Variants in PCDHA3 observed in about 807,000 individuals in gnomAD.
PCDHA3 encodes protocadherin alpha 3, also known as protocadherin alpha-3.
PCDHA3 carries 41 observed loss-of-function variants against 62.2 expected under a neutral mutation model. The observed-to-expected ratio is 0.66, with a 90% CI of 0.51 to 0.86. The LOEUF is 0.86. Ranked by LOEUF, PCDHA3 falls within the 40% of genes least tolerant of loss-of-function variation. The pLI is 0.00. For missense variants in PCDHA3, 1,304 were observed against 1,241.2 expected, an observed-to-expected ratio of 1.05 and a Z score of -0.76; for synonymous variants, 640 against 555.4, an observed-to-expected ratio of 1.15 and a Z score of -2.14.
intron 1 of PCDHA3, among the ~76,000 whole-genome samples, chr5:140,911,469 A>T (rs1365800005): frequency 3.3e-5 from 5 of 151,880 alleles, no homozygotes; most frequent in African/African-American, 9.7e-5. Context: ...AGGAGATAAG[A>T]CTCTCACTCA....
In PCDHA3 at chr5:140,802,719, G is replaced by T; in HGVS notation, c.1522G>T (p.Val508Leu). 1.2e-6 allele frequency: 2 copies of T among 1,612,610 alleles called. No individual in the cohort carries two copies. The highest frequency in any genetic ancestry group is 8.5e-7 in the Non-Finnish European group (1 of 1,179,802). Reference protein sequence around the residue: ...RVGERALSSYVSVHAESGKVY... With the variant: ...RVGERALSSYLSVHAESGKVY... ...GGGGGAGCGCGCGCTGTCGAGCTACGTGTCGGTACACGCGGAGAGCGGCAA... is the reference window on the plus strand; with the variant it reads ...GGGGGAGCGCGCGCTGTCGAGCTACTTGTCGGTACACGCGGAGAGCGGCAA... Residue 508 changes from valine to leucine, a missense_variant, in exon 1 of 4, where the codon GTG becomes TTG. Coordinates refer to ENST00000522353, the MANE Select transcript of PCDHA3 (RefSeq NM_018906.3).
chr5:140,886,689 G>C (rs1267444522), intron 1 of PCDHA3, among the ~76,000 whole-genome samples: 5 of 152,022 alleles, frequency 3.3e-5, no homozygotes, highest in African/African-American at 1.2e-4. Flanking sequence ...AGCGAGGCAT[G>C]GTGGCACGCG....
At chr5:140,814,813 A>G (rs1765596330) in intron 1 of PCDHA3, 1 of 152,138 alleles carries the variant, frequency 6.6e-6, no homozygotes, top group Non-Finnish European at 1.5e-5. Context: ...ACTTTATTGT[A>G]TTGCTATCTA....
chr5:140,834,637 T>C lies in PCDHA3; in HGVS notation c.2394+31046T>C, dbSNP rs2150223178. 78 of 1,614,168 alleles carry C rather than the reference T, an allele frequency of 4.8e-5. No individual in the cohort carries two copies. The highest frequency in any genetic ancestry group is 1.7e-4 in the Middle Eastern group (1 of 6,058). ...GTAAATCTGCAGAATGGCATTTTGTTTGTGAATTCTCGGATCGACCGCGAG... is the reference window on the plus strand; with the variant it reads ...GTAAATCTGCAGAATGGCATTTTGTCTGTGAATTCTCGGATCGACCGCGAG... On this transcript the variant is annotated intron_variant, in intron 1 of 3. Transcript: ENST00000522353.
At chr5:140,807,000 T>G in intron 1 of PCDHA3, 2 of 726,976 alleles carry the variant, frequency 2.8e-6, no homozygotes, top group Non-Finnish European at 4.5e-6. Context: ...GATGTCGCTC[T>G]TTACCACAAA....
intron 3 of PCDHA3, among the ~76,000 whole-genome samples, chr5:141,006,790 T>A (rs1318848521): frequency 6.6e-6 from 1 of 152,130 alleles, no homozygotes; most frequent in African/African-American, 2.4e-5. Context: ...AATAATTAGC[T>A]TTGAACTTTC....
chr5:141,000,395 C>CTCTCTA (rs1213762225), intron 3 of PCDHA3, among the ~76,000 whole-genome samples: 5 of 53,980 alleles, frequency 9.3e-5, no homozygotes, highest in East Asian at 6.1e-4. Flanking sequence ...CTCTCTCTCT[C>CTCTCTA]TATATATATA....
intron 1 of PCDHA3, chr5:140,848,372 A>G: frequency 1.7e-6 from 2 of 1,150,006 alleles, no homozygotes; most frequent in South Asian, 3.0e-5. Context: ...AAGAGGCTCA[A>G]TTCTTTTTCA....
chr5:140,978,820 T>C (rs2096824926), intron 1 of PCDHA3, 129 bp from the exon 2 acceptor site: 1 of 1,517,496 alleles, frequency 6.6e-7, no homozygotes, highest in East Asian at 2.4e-5. Context: ...GAGTTACACA[T>C]GAAATGGCTC....
At chr5:140,848,385 C>G (rs2150409736) in intron 1 of PCDHA3, 28 of 1,211,136 alleles carry the variant, frequency 2.3e-5, no homozygotes, top group Non-Finnish European at 2.9e-5. Flanking sequence ...CTTTTTCACT[C>G]TCTCTGTGCT....
At chr5:140,968,378 G>A (rs782689152) in intron 1 of PCDHA3, 15 of 1,614,040 alleles carry the variant, frequency 9.3e-6, no homozygotes, top group Non-Finnish European at 1.3e-5. Context: ...CAACTCCTTT[G>A]ACTATGAGAA....
chr5:140,884,409 C>T, intron 1 of PCDHA3: 4 of 1,613,992 alleles, frequency 2.5e-6, no homozygotes, highest in Non-Finnish European at 3.4e-6. Context: ...TTGGTGCTCA[C>T]GTTGCTGCTG....
At chr5:140,903,183 T>A (rs1392196705) in intron 1 of PCDHA3, among the ~76,000 whole-genome samples, 3 of 152,194 alleles carry the variant, frequency 2.0e-5, no homozygotes, top group Admixed American at 2.0e-4. Flanking sequence ...CCACCAATAG[T>A]ATAAAAGAGT....
chr5:140,935,736 A>G (rs2090532745), intron 1 of PCDHA3, among the ~76,000 whole-genome samples: 1 of 152,190 alleles, frequency 6.6e-6, no homozygotes, highest in Admixed American at 6.5e-5. Flanking sequence ...TCTAGTATCT[A>G]TTATTCCATA....
At chr5:140,843,038 A>T in intron 1 of PCDHA3, 1 of 1,595,166 alleles carries the variant, frequency 6.3e-7, no homozygotes, top group Non-Finnish European at 8.6e-7. Flanking sequence ...GGTGGGTGGC[A>T]CTGGTGGCGC....
chr5:140,927,587 T>A, intron 1 of PCDHA3: 18 of 1,614,162 alleles, frequency 1.1e-5, no homozygotes, highest in Non-Finnish European at 1.5e-5. Context: ...AACGCGCCTG[T>A]ATTTGAGCGC....
chr5:140,919,480 T>C (rs1745975489), intron 1 of PCDHA3, among the ~76,000 whole-genome samples: 1 of 152,198 alleles, frequency 6.6e-6, no homozygotes, highest in Admixed American at 6.5e-5. Context: ...TATTTGGATT[T>C]ATGTTTGTTA....
At chr5:141,007,395 C>CAAAAA (rs35800918) in intron 3 of PCDHA3, among the ~76,000 whole-genome samples, 20 of 94,830 alleles carry the variant, frequency 2.1e-4, no homozygotes, top group South Asian at 3.5e-4. Context: ...TACTAAAATA[C>CAAAAA]AAAAAAAAAA....
At chr5:140,818,626 C>G (rs1235638442) in intron 1 of PCDHA3, among the ~76,000 whole-genome samples, 8 of 152,076 alleles carry the variant, frequency 5.3e-5, no homozygotes, top group Non-Finnish European at 8.8e-5. Context: ...TGCTTGAGCC[C>G]AGGAGTTCAA....
Sources: gnomAD v4.1 joint callset for allele counts (sites outside exome capture counted in the v4.1 genomes callset) on GRCh38, gnomAD v4.1.1 for gene constraint, MANE v1.5 for transcripts, NCBI Gene and HGNC (gene_info 2026-07-23, HGNC 2026-07-21) for gene names.